The following ANKRD35 variants were observed in gnomAD, a reference collection of about 807,000 sequenced individuals.
ANKRD35 encodes ankyrin repeat domain 35, also known as ankyrin repeat domain-containing protein 35.
A neutral mutation model predicts 109.9 loss-of-function variants in ANKRD35; 102 were observed. That is an observed-to-expected ratio of 0.93 (90% confidence interval 0.79 to 1.09). The LOEUF (loss-of-function observed/expected upper bound fraction) is 1.09, where lower values mean the gene tolerates loss of function less well. Ranked by LOEUF, ANKRD35 falls within the 50% of genes least tolerant of loss-of-function variation. The pLI, the probability that ANKRD35 is intolerant of heterozygous loss-of-function variation, is 0.00. For synonymous variants in ANKRD35, 515 were observed against 512.4 expected, an observed-to-expected ratio of 1.01 and a Z score of -0.07; for missense variants, 1,240 against 1,230.1, an observed-to-expected ratio of 1.01 and a Z score of -0.12.
chr1:145,882,190 G>A (rs1488620448), intron 1 of ANKRD35, among the ~76,000 whole-genome samples: 3 of 151,562 alleles, frequency 2.0e-5, no homozygotes, highest in Non-Finnish European at 2.9e-5. Context: ...TCCTGACCTC[G>A]TGATCTGCCC....
Position 145,872,547 on chromosome 1 carries a change from C to A in ANKRD35, c.2222G>T (p.Arg741Leu), listed in dbSNP as rs782273910. ...CCGAGCCAGCACCTGCTGGGCCTCC[C>A]GGTGCCGATCCACCAGGGTGCTGAT... ...ACISTLVDRH[R>L]EAQQVLARLQ... The change falls in exon 10 of 14, where the codon CGG becomes CTG. Residue 741 changes from arginine (R) to leucine (L), a missense_variant. Transcript: ENST00000355594. The A allele has an allele frequency of 6.8e-6, 11 of 1,608,024 alleles. No individual in the cohort carries two copies. The highest frequency in any genetic ancestry group is 1.7e-4 in the Middle Eastern group (1 of 6,050).
intron 11 of ANKRD35, 62 bp downstream of exon 11, chr1:145,868,249 A>G: frequency 6.4e-7 from 1 of 1,551,854 alleles, no homozygotes; most frequent in East Asian, 2.2e-5. Flanking sequence ...TGTCTCCCAC[A>G]TATACATCAC....
At chr1:145,870,973 A>T (rs1429122340) in intron 10 of ANKRD35, among the ~76,000 whole-genome samples, 1 of 151,994 alleles carries the variant, frequency 6.6e-6, no homozygotes, top group Non-Finnish European at 1.5e-5. Context: ...GTCTGAAATC[A>T]TTCATTTCAC....
At position 145,873,637 on chromosome 1, in the gene ANKRD35, G is replaced by A. The variant is rs782763154; in HGVS notation, c.1132C>T (p.Leu378=). 1.9e-6 allele frequency: 3 copies of A among 1,614,078 alleles called. No individual in the cohort carries two copies. Among genetic ancestry groups the A allele is most frequent in the South Asian group, 2.2e-5 (2 of 91,088 alleles). ...TTTAGCTCTTGTGTACTCTCAGCCA[G>A]CAGGTCCTTAGGACAACCCTGCTCC... ...GMEQGCPKDL[L]AESTQELKKQ... The change falls in exon 10 of 14, where the codon CTG becomes TTG. Residue 378 remains leucine (L), a synonymous_variant. Coordinates refer to ENST00000355594, the MANE Select transcript of ANKRD35 (RefSeq NM_144698.5).
chr1:145,870,710 A>G (rs1653777999), intron 10 of ANKRD35, among the ~76,000 whole-genome samples: 3 of 151,664 alleles, frequency 2.0e-5, no homozygotes, highest in African/African-American at 4.8e-5. Flanking sequence ...ACATTCTTTT[A>G]TATATATATA....
rs76255063 is a variant in ANKRD35, at chr1:145,878,935, A to G, written c.170+323T>C. Among the ~76,000 whole-genome samples, 998 of 152,278 alleles carry G rather than the reference A, an allele frequency of 6.6e-3. 5 individuals carry two copies. Among genetic ancestry groups the G allele is most frequent in the Non-Finnish European group, 0.01 (700 of 68,020 alleles). On this transcript the variant is annotated intron_variant, in intron 2 of 13. Coordinates refer to ENST00000355594, the MANE Select transcript of ANKRD35 (RefSeq NM_144698.5). ...CCACTTCATTTCAAATTTCCCATGC[A>G]TACACACCCTCCTACTTGTGCAATG...
intron 2 of ANKRD35, 129 bp downstream of exon 2, chr1:145,879,129 A>G (rs1269590073): frequency 4.9e-6 from 6 of 1,224,082 alleles, no homozygotes; most frequent in South Asian, 2.3e-5. Context: ...AACTATTGAT[A>G]TACTTGCTAA....
chr1:145,884,115 G>T (rs781855090), intron 1 of ANKRD35, among the ~76,000 whole-genome samples: 1 of 152,170 alleles, frequency 6.6e-6, no homozygotes, highest in Non-Finnish European at 1.5e-5. Context: ...GAATGAAATA[G>T]TTTCCCCATT....
intron 7 of ANKRD35, 84 bp from the exon 8 acceptor site, chr1:145,875,090 G>T: frequency 7.2e-7 from 1 of 1,395,438 alleles, no homozygotes; most frequent in African/African-American, 1.4e-5. Flanking sequence ...CACAGGGTAA[G>T]CTCTCATTCA....
intron 1 of ANKRD35, among the ~76,000 whole-genome samples, chr1:145,881,789 C>T (rs938755411): frequency 6.6e-6 from 1 of 152,144 alleles, no homozygotes; most frequent in East Asian, 1.9e-4. Flanking sequence ...AGTAGATGCA[C>T]AATCCATCCT....
intron 1 of ANKRD35, among the ~76,000 whole-genome samples, chr1:145,884,960 G>T (rs782212314): frequency 2.0e-5 from 3 of 152,204 alleles, no homozygotes; most frequent in Non-Finnish European, 1.5e-5. Context: ...CAGTGCCTGT[G>T]AGGCTGACCA....
At chr1:145,875,094 T>G in intron 7 of ANKRD35, 88 bp from the exon 8 acceptor site, 4 of 1,348,074 alleles carry the variant, frequency 3.0e-6, no homozygotes, top group Non-Finnish European at 4.1e-6. Context: ...GGGTAAGCTC[T>G]CATTCAGTGG....
In ANKRD35 at chr1:145,879,486, A is replaced by G. The variant is rs1654211851; in HGVS notation, c.40-98T>C. On this transcript the variant is annotated intron_variant, in intron 1 of 13. Coordinates refer to ENST00000355594, the MANE Select transcript of ANKRD35 (RefSeq NM_144698.5). ...TAGGATGCCAAATGAGAGAAAAGGA[A>G]CATCCCTTTTTCTCTTCCACAAGTC... 4.6e-6 allele frequency: 6 copies of G among 1,300,676 alleles called. No homozygotes were observed. The African/African-American group carries it at 9.1e-5, about 20-fold the overall frequency. 80.6% of individuals were successfully genotyped at this position (1,300,676 alleles called of 1,614,324 possible).
rs1654064572 is a variant in ANKRD35 at position 145,876,198 on chromosome 1, T to C, written c.502A>G (p.Ile168Val). ...MIASLGGHAA[I>V]CSQLLQRGAR... ...CCTCGCTGCAGCAGCTGTGAGCAGA[T>C]AGCTGCGTGCCCACCCAGCGATGCG... Residue 168 changes from isoleucine (I) to valine (V), a missense_variant, in exon 7 of 14, where the codon ATC becomes GTC. By Grantham distance (29) the Ile-to-Val change is conservative. Transcript: ENST00000355594. 6.2e-7 allele frequency: 1 copy of C among 1,614,110 alleles called. No homozygotes were observed. The highest frequency in any genetic ancestry group is 1.3e-5 in the African/African-American group (1 of 75,040).
intron 5 of ANKRD35, 46 bp from the exon 6 acceptor site, chr1:145,876,685 A>G (rs1405834485): frequency 1.2e-6 from 2 of 1,612,510 alleles, no homozygotes; most frequent in African/African-American, 1.3e-5. Context: ...AAGAAAGCCT[A>G]CTCAGACTAT....
chr1:145,874,329 G>T, intron 8 of ANKRD35, 137 bp from the exon 9 acceptor site: 2 of 982,836 alleles, frequency 2.0e-6, no homozygotes, highest in Non-Finnish European at 1.6e-6. Context: ...CCTGGTGCCA[G>T]AAGCCAATCT....
In ANKRD35 at chr1:145,873,703, C is replaced by A. The variant is rs782179416; in HGVS notation, c.1066G>T (p.Gly356Ter). Residue 356 changes from glycine to a stop codon, truncating the protein, a stop_gained, in exon 10 of 14, where the codon GGA becomes TGA. Coordinates refer to ENST00000355594, the MANE Select transcript of ANKRD35 (RefSeq NM_144698.5). LOFTEE classifies it high-confidence loss of function. Reference protein sequence around the residue: ...VLLSWEPRASGKQGSSLRPGG... With the variant: ...VLLSWEPRAS ...GGCCGGAGACTAGAGCCTTGCTTTC[C>A]TGAAGCTCTGGGCTCCCAGGATAGG... The A allele has an allele frequency of 4.3e-6, 7 of 1,613,946 alleles. No individual in the cohort carries two copies. Among genetic ancestry groups the A allele is most frequent in the Non-Finnish European group, 5.9e-6 (7 of 1,179,966 alleles).
At position 145,873,840 on chromosome 1, in the gene ANKRD35, A is replaced by T. The variant is rs781969908; in HGVS notation, c.929T>A (p.Val310Asp). The T allele has an allele frequency of 6.2e-7, 1 of 1,612,156 alleles. No homozygotes were observed. Among genetic ancestry groups the T allele is most frequent in the East Asian group, 2.2e-5 (1 of 44,866 alleles). ...WKYEEERRKV[V>D]RLEQELVQKT... is the part of the protein sequence containing the mutation. ...TTGCACCAGCTCCTGCTCCAGCCGAACAACTTTCCTCCGCTCCTCTTCATA... is the reference window on the plus strand; with the variant it reads ...TTGCACCAGCTCCTGCTCCAGCCGATCAACTTTCCTCCGCTCCTCTTCATA... Residue 310 changes from valine (V) to aspartate (D), a missense_variant, in exon 10 of 14, where the codon GTT becomes GAT. Val to Asp is a radical substitution (Grantham distance 152, BLOSUM62 -3). Coordinates refer to ENST00000355594, the MANE Select transcript of ANKRD35 (RefSeq NM_144698.5).
intron 9 of ANKRD35, 80 bp downstream of exon 9, chr1:145,874,075 C>T (rs2101708678): frequency 6.2e-7 from 1 of 1,611,242 alleles, no homozygotes; most frequent in Non-Finnish European, 8.5e-7. Flanking sequence ...TCTTGACACC[C>T]CAAGGACCAC....
Sources: allele counts gnomAD v4.1 joint callset (sites outside exome capture counted in the v4.1 genomes callset), GRCh38; gene constraint gnomAD v4.1.1; transcripts MANE v1.5; gene names NCBI Gene and HGNC (gene_info 2026-07-23, HGNC 2026-07-21).